The following ENTHD1 variants were observed in gnomAD, a reference collection of about 807,000 sequenced individuals.
The protein encoded by ENTHD1 is ENTH domain-containing protein 1.
In ENTHD1, 23 loss-of-function variants were observed where a neutral mutation model predicts 39.1. The ratio of observed to expected loss-of-function variants is 0.59; its 90% CI spans 0.42 to 0.83. ENTHD1 has a LOEUF of 0.83. ENTHD1 is among the 40% of genes least tolerant of loss of function. ENTHD1 has a pLI of 0.00. For synonymous variants in ENTHD1, 230 were observed against 258.2 expected (o/e 0.89, Z 1.05); for missense variants, 624 against 705.4 (o/e 0.88, Z 1.31).
intron 5 of ENTHD1, among the ~76,000 whole-genome samples, chr22:39,786,867 G>C (rs1331868881): frequency 6.6e-6 from 1 of 152,152 alleles, no homozygotes; most frequent in African/African-American, 2.4e-5. Flanking sequence ...CAAATGACAG[G>C]ATTTTTTTAA....
At chr22:39,875,689 C>CA in intron 2 of ENTHD1, 1 of 1,612,328 alleles carries the variant, frequency 6.2e-7, no homozygotes, top group African/African-American at 1.3e-5. Context: ...AGAATGCCGT[C>CA]ACCCAGTTCG....
At chr22:39,814,539 A>G (rs1237752357) in intron 5 of ENTHD1, among the ~76,000 whole-genome samples, 1 of 152,058 alleles carries the variant, frequency 6.6e-6, no homozygotes, top group Non-Finnish European at 1.5e-5. Context: ...CGTGATTAAA[A>G]CTATTTATCA....
chr22:39,872,321 T>G (rs2066250696), intron 2 of ENTHD1, among the ~76,000 whole-genome samples: 1 of 152,196 alleles, frequency 6.6e-6, no homozygotes, highest in Admixed American at 6.5e-5. Flanking sequence ...CTTGAATGTA[T>G]TTTTTCCAGA....
At chr22:39,869,705 A>T (rs1482700815) in intron 2 of ENTHD1, among the ~76,000 whole-genome samples, 1 of 151,956 alleles carries the variant, frequency 6.6e-6, no homozygotes, top group African/African-American at 2.4e-5. Context: ...TTTCTATAGG[A>T]TCTTCTATGG....
intron 3 of ENTHD1, among the ~76,000 whole-genome samples, chr22:39,853,392 G>A (rs1053223258): frequency 2.0e-5 from 3 of 151,908 alleles, no homozygotes; most frequent in Admixed American, 1.3e-4. Flanking sequence ...AAAGTGAGTC[G>A]GGTGTAGTGG....
intron 5 of ENTHD1, among the ~76,000 whole-genome samples, chr22:39,767,406 T>C (rs1601580566): frequency 6.6e-6 from 1 of 152,216 alleles, no homozygotes; most frequent in African/African-American, 2.4e-5. Flanking sequence ...GGAAAATCAC[T>C]TGAGCCCAGG....
chr22:39,759,744 T>C (rs2065215658), intron 6 of ENTHD1, among the ~76,000 whole-genome samples: 1 of 152,080 alleles, frequency 6.6e-6, no homozygotes, highest in African/African-American at 2.4e-5. Flanking sequence ...TTCCTACTAG[T>C]TTTAATGCAT....
At chr22:39,885,014 A>G (rs923609659) in intron 2 of ENTHD1, among the ~76,000 whole-genome samples, 8 of 152,210 alleles carry the variant, frequency 5.3e-5, no homozygotes, top group Non-Finnish European at 1.0e-4. Flanking sequence ...ATTGCACTTC[A>G]AAATTTAAAA....
At chr22:39,786,970 A>T (rs2065464217) in intron 5 of ENTHD1, among the ~76,000 whole-genome samples, 1 of 152,222 alleles carries the variant, frequency 6.6e-6, no homozygotes, top group Non-Finnish European at 1.5e-5. Context: ...GTTTTTCAAA[A>T]AACAAAATTG....
At chr22:39,760,663 T>A (rs1293511871) in intron 6 of ENTHD1, among the ~76,000 whole-genome samples, 11 of 152,048 alleles carry the variant, frequency 7.2e-5, no homozygotes, top group African/African-American at 2.4e-4. Context: ...TATTTTGCTA[T>A]CTGCCTTCTA....
chr22:39,889,525 A>T (rs1317919823), intron 1 of ENTHD1, among the ~76,000 whole-genome samples: 2 of 152,220 alleles, frequency 1.3e-5, no homozygotes, highest in Non-Finnish European at 2.9e-5. Flanking sequence ...AACCTAGAAG[A>T]TCTATAATCA....
At chr22:39,769,951 T>C (rs559689458) in intron 5 of ENTHD1, among the ~76,000 whole-genome samples, 1 of 152,156 alleles carries the variant, frequency 6.6e-6, no homozygotes. Flanking sequence ...GTTTTAGGAA[T>C]TGGGGACTGG....
chr22:39,771,313 G>A (rs1298324528), intron 5 of ENTHD1, among the ~76,000 whole-genome samples: 4 of 152,108 alleles, frequency 2.6e-5, no homozygotes, highest in Admixed American at 2.0e-4. Context: ...GGCGGAGAAC[G>A]CTGGGGAAGT....
At chr22:39,835,353 C>T (rs937569720) in intron 4 of ENTHD1, among the ~76,000 whole-genome samples, 3 of 152,074 alleles carry the variant, frequency 2.0e-5, no homozygotes, top group East Asian at 3.9e-4. Context: ...GACTATTCAA[C>T]AAATTAAATA....
At chr22:39,828,224 A>G (rs955523351) in intron 4 of ENTHD1, among the ~76,000 whole-genome samples, 1 of 152,216 alleles carries the variant, frequency 6.6e-6, no homozygotes, top group Non-Finnish European at 1.5e-5. Context: ...CTTGAGAAGC[A>G]TGGAGGAGTA....
At position 39,744,169 on chromosome 22, in the gene ENTHD1, G is replaced by A. The variant is rs1268544890; in HGVS notation, c.1334C>T (p.Ser445Phe). 7 of 1,614,010 alleles carry A rather than the reference G, an allele frequency of 4.3e-6. No homozygotes were observed. Among genetic ancestry groups the A allele is most frequent in the Non-Finnish European group, 5.9e-6 (7 of 1,180,002 alleles). ...HLLSPILAGP[S>F]FWTLSHQQLS... ...CTGTTGATGGGACAGAGTCCAGAAG[G>A]AAGGTCCGGCCAGAATTGGTGATAA... The change falls in exon 7 of 7, where the codon TCC (serine) becomes TTC (phenylalanine). Residue 445 changes from serine to phenylalanine, a missense_variant. Coordinates refer to ENST00000325157, the MANE Select transcript of ENTHD1 (RefSeq NM_152512.4).
At chr22:39,860,919 G>T (rs1027365254) in intron 3 of ENTHD1, among the ~76,000 whole-genome samples, 1 of 152,146 alleles carries the variant, frequency 6.6e-6, no homozygotes, top group Non-Finnish European at 1.5e-5. Context: ...AAATCCCTCT[G>T]TTATAAAAGT....
Position 39,841,029 on chromosome 22 carries a change from C to T in ENTHD1, c.593-5071G>A, listed in dbSNP as rs546813659. Reference sequence around the variant, plus strand: ...TGCTGGGATTACAGGTGTGAGCCACCGCGCCTGGCTAACTTAAGCATCTTA... The same window carrying T: ...TGCTGGGATTACAGGTGTGAGCCACTGCGCCTGGCTAACTTAAGCATCTTA... On this transcript the variant is annotated intron_variant, in intron 3 of 6. Coordinates refer to ENST00000325157, the MANE Select transcript of ENTHD1 (RefSeq NM_152512.4). Among the ~76,000 whole-genome samples the T allele has an allele frequency of 5.9e-5, 9 of 152,214 alleles. No individual in the cohort carries two copies. In the South Asian group the frequency reaches 8.3e-4, roughly 14 times the overall value.
chr22:39,807,397 G>A (rs1312026154), intron 5 of ENTHD1, among the ~76,000 whole-genome samples: 1 of 152,050 alleles, frequency 6.6e-6, no homozygotes, highest in Non-Finnish European at 1.5e-5. Context: ...TCTCTAAAGT[G>A]GCCTGACTGA....
Sources: allele counts gnomAD v4.1 joint callset (sites outside exome capture counted in the v4.1 genomes callset), GRCh38; gene constraint gnomAD v4.1.1; transcripts MANE v1.5; gene names NCBI Gene and HGNC (gene_info 2026-07-23, HGNC 2026-07-21).